The following RPH3AL variants were observed in gnomAD, a reference collection of about 807,000 sequenced individuals.
The protein encoded by RPH3AL is rabphilin 3A like (without C2 domains).
RPH3AL carries 38 observed loss-of-function variants against 43.1 expected under a neutral mutation model. The ratio of observed to expected loss-of-function variants is 0.88; its 90% CI spans 0.68 to 1.15. The LOEUF (loss-of-function observed/expected upper bound fraction) is 1.15, where lower values mean the gene tolerates loss of function less well. Ranked by LOEUF, RPH3AL falls within the 50% of genes most tolerant of loss-of-function variation. RPH3AL has a pLI of 0.00. For synonymous variants in RPH3AL, 189 were observed against 176.3 expected (o/e 1.07, Z -0.57); for missense variants, 462 against 423.2 (o/e 1.09, Z -0.81).
chr17:240,852 G>A (rs1471179947), intron 7 of RPH3AL, among the ~76,000 whole-genome samples: 1 of 152,106 alleles, frequency 6.6e-6, no homozygotes, highest in African/African-American at 2.4e-5. Flanking sequence ...GAGGTCAGGA[G>A]ATCGAGACCA....
intron 5 of RPH3AL, among the ~76,000 whole-genome samples, chr17:305,930 C>A (rs1021189497): frequency 6.6e-6 from 1 of 151,770 alleles, no homozygotes; most frequent in Non-Finnish European, 1.5e-5. Flanking sequence ...CTGCAGCCTC[C>A]GCCTCTGGGG....
At chr17:263,062 G>A (rs543524569) in intron 6 of RPH3AL, among the ~76,000 whole-genome samples, 2 of 152,086 alleles carry the variant, frequency 1.3e-5, no homozygotes, top group Non-Finnish European at 1.5e-5. Context: ...ATGAAGACCT[G>A]GGCACAAATC....
At chr17:218,421 G>A in intron 8 of RPH3AL, among the ~76,000 whole-genome samples, 1 of 148,748 alleles carries the variant, frequency 6.7e-6, no homozygotes, top group Non-Finnish European at 1.5e-5. Context: ...CCCATCTGGG[G>A]CAGTTATTAT....
intron 6 of RPH3AL, among the ~76,000 whole-genome samples, chr17:248,306 C>T (rs969418149): frequency 1.3e-5 from 2 of 152,194 alleles, no homozygotes; most frequent in Non-Finnish European, 2.9e-5. Context: ...CTTGTTCTGG[C>T]TGCCCCCATG....
chr17:225,123 A>G lies in RPH3AL; in HGVS notation c.614-5387T>C, dbSNP rs541428806. ...GAACTTAAAATATAATGGAAAAAAA[A>G]AAAAAAAGAGTGATGAGCATGGGAT... On this transcript the variant is annotated intron_variant, in intron 7 of 9. Coordinates refer to ENST00000331302, the MANE Select transcript of RPH3AL (RefSeq NM_006987.4). The surrounding 1 kb of genome is among the most constrained non-coding windows in gnomAD (Gnocchi z 4.4). 1.2e-4 allele frequency among the ~76,000 whole-genome samples: 18 copies of G among 151,846 alleles called. No homozygotes were observed. The highest frequency in any genetic ancestry group is 2.2e-4 in the Non-Finnish European group (15 of 67,888).
intron 6 of RPH3AL, among the ~76,000 whole-genome samples, chr17:271,111 C>A (rs1229953709): frequency 6.6e-6 from 1 of 152,088 alleles, no homozygotes; most frequent in Non-Finnish European, 1.5e-5. Flanking sequence ...TTTCTGAGGC[C>A]TCTGTTGTGT....
intron 5 of RPH3AL, among the ~76,000 whole-genome samples, chr17:291,371 C>T (rs954852626): frequency 6.6e-6 from 1 of 152,084 alleles, no homozygotes; most frequent in Non-Finnish European, 1.5e-5. Context: ...GAGACTCCCC[C>T]ACCCCCCATC....
At chr17:342,603 A>T (rs2045147695) in intron 1 of RPH3AL, among the ~76,000 whole-genome samples, 1 of 152,258 alleles carries the variant, frequency 6.6e-6, no homozygotes, top group Non-Finnish European at 1.5e-5. Context: ...AGTCACAAAA[A>T]ACCACATATA....
intron 7 of RPH3AL, among the ~76,000 whole-genome samples, chr17:222,633 T>TTAA (rs1385165621): frequency 2.6e-5 from 4 of 152,332 alleles, no homozygotes; most frequent in African/African-American, 9.6e-5. Flanking sequence ...CACAGAAATG[T>TTAA]ACATCCATTC....
In RPH3AL at chr17:348,834, GC is replaced by G. The variant is rs1401515951; in HGVS notation, c.-213+3877del. 7 of 152,284 alleles carry G rather than the reference GC, an allele frequency of 4.6e-5. 1 individual carries two copies. The highest frequency in any genetic ancestry group is 2.1e-4 in the South Asian group (1 of 4,822). The allele number at this position is 152,284 out of a possible 1,614,324, so 9.4% of individuals were successfully genotyped here. A position where few individuals can be genotyped will look rare whatever the true frequency, so the allele number is the denominator to read the frequency against. On this transcript the variant is annotated intron_variant, in intron 1 of 9. Transcript: ENST00000331302. ...ACACTGAAAGGTCAACAAATACTGG[GC>G]CCCAGTTCTTTCTTCACCACATGCA...
intron 7 of RPH3AL, among the ~76,000 whole-genome samples, chr17:223,404 G>A (rs553886489): frequency 1.2e-4 from 18 of 152,292 alleles, no homozygotes; most frequent in African/African-American, 3.8e-4. Context: ...GCCTGTCAGC[G>A]TTTTCCTTGG....
chr17:271,176 T>C (rs1031771792), intron 6 of RPH3AL, among the ~76,000 whole-genome samples: 5 of 152,246 alleles, frequency 3.3e-5, no homozygotes, highest in Non-Finnish European at 1.5e-5. Flanking sequence ...TTGGTTACTA[T>C]AGCCTTGTAG....
intron 6 of RPH3AL, among the ~76,000 whole-genome samples, chr17:250,588 C>T (rs1436191947): frequency 5.4e-5 from 4 of 73,620 alleles, no homozygotes; most frequent in Non-Finnish European, 9.5e-5. Flanking sequence ...TCTATCACTG[C>T]GGGACCTCTC....
chr17:325,454 C>T (rs1257371078), intron 3 of RPH3AL, among the ~76,000 whole-genome samples: 1 of 152,182 alleles, frequency 6.6e-6, no homozygotes, highest in Non-Finnish European at 1.5e-5. Context: ...CGGCCAGGGC[C>T]TCCACATGCC....
intron 3 of RPH3AL, 104 bp from the exon 4 acceptor site, chr17:321,519 C>T: frequency 2.3e-6 from 3 of 1,306,870 alleles, no homozygotes; most frequent in Non-Finnish European, 3.0e-6. Context: ...AGTGGACGGC[C>T]CAGGTGCCGC....
In RPH3AL at chr17:346,960, T is replaced by C. The variant is rs1469900966; in HGVS notation, c.-213+5752A>G. 1.5e-5 allele frequency among the ~76,000 whole-genome samples: 2 copies of C among 135,184 alleles called. 1 individual carries two copies. The highest frequency in any genetic ancestry group is 3.4e-5 in the Non-Finnish European group (2 of 59,332). The allele number at this position is 135,184 out of a possible 152,430, so 88.7% of individuals were successfully genotyped here. A position where few individuals can be genotyped will look rare whatever the true frequency, so the allele number is the denominator to read the frequency against. The stretch of plus-strand genomic sequence containing the variant: ...GTGCGGCAACAGGAACCTCAAACAC[T>C]GTAAAATGGCCCAGCCGGCCAGGCG... On this transcript the variant is annotated intron_variant, in intron 1 of 9. Transcript: ENST00000331302.
chr17:265,143 G>T (rs891682717), intron 6 of RPH3AL, among the ~76,000 whole-genome samples: 1 of 152,282 alleles, frequency 6.6e-6, no homozygotes, highest in South Asian at 2.1e-4. Context: ...CTGGAATGTA[G>T]TGGTGCGGTC....
chr17:309,063 C>G (rs143604555), intron 5 of RPH3AL, among the ~76,000 whole-genome samples: 2,542 of 152,200 alleles, frequency 0.017, 76 homozygotes, highest in African/African-American at 0.058. Flanking sequence ...TTTGAGAGGC[C>G]GAGGCAGGAG....
intron 1 of RPH3AL, among the ~76,000 whole-genome samples, chr17:338,241 C>T (rs577978248): frequency 2.6e-5 from 4 of 152,198 alleles, no homozygotes; most frequent in South Asian, 2.1e-4. Context: ...GCAGGAGGAT[C>T]GTTTGAGCTC....
Sources: gnomAD v4.1 joint callset for allele counts (sites outside exome capture counted in the v4.1 genomes callset) on GRCh38, gnomAD v4.1.1 for gene constraint, Gnocchi (gnomAD v3.1) non-coding constraint, MANE v1.5 for transcripts, NCBI Gene and HGNC (gene_info 2026-07-23, HGNC 2026-07-21) for gene names.